DPH6: variants seen among roughly 807,000 people sequenced by gnomAD.
DPH6 encodes diphthamine biosynthesis 6, also known as diphthine--ammonia ligase.
DPH6 carries 33 observed loss-of-function variants against 38.2 expected under a neutral mutation model. That is an observed-to-expected ratio of 0.86 (90% CI 0.65 to 1.15). The LOEUF (loss-of-function observed/expected upper bound fraction) is 1.15, where lower values mean the gene tolerates loss of function less well. DPH6 is among the 50% of genes most tolerant of loss of function. The probability of loss-of-function intolerance (pLI) is 0.00; values close to 1 mark genes in which losing one functional copy is unlikely to be tolerated. For missense variants in DPH6, 325 were observed against 320.0 expected (o/e 1.02, Z -0.12); for synonymous variants, 108 against 103.0 (o/e 1.05, Z -0.30).
chr15:35,222,481 C>T (rs927714492), intron 3 of DPH6, among the ~76,000 whole-genome samples: 7 of 152,062 alleles, frequency 4.6e-5, no homozygotes, highest in African/African-American at 1.7e-4. Context: ...CATGAGACAT[C>T]AACCAATACA....
intron 3 of DPH6, among the ~76,000 whole-genome samples, chr15:35,365,336 A>G (rs1034060542): frequency 1.3e-5 from 2 of 152,096 alleles, no homozygotes; most frequent in Non-Finnish European, 2.9e-5. Context: ...ATATTTTTTA[A>G]CTGTTCAGTT....
chr15:35,298,443 C>T (rs972121174), intron 3 of DPH6: 13 of 753,856 alleles, frequency 1.7e-5, no homozygotes, highest in South Asian at 1.1e-4. Context: ...ACACTTTCCC[C>T]AACTTTGAGA....
chr15:35,331,255 A>G (rs2052325225), intron 3 of DPH6, among the ~76,000 whole-genome samples: 1 of 152,194 alleles, frequency 6.6e-6, no homozygotes, highest in African/African-American at 2.4e-5. Context: ...GGTTTTAATA[A>G]GTGAATTATG....
chr15:35,283,190 TCTC>T (rs1408657764), intron 3 of DPH6, among the ~76,000 whole-genome samples: 2 of 146,516 alleles, frequency 1.4e-5, no homozygotes, highest in African/African-American at 5.3e-5. Context: ...TTCTTTTTCT[TCTC>T]TTCTTCTTCT....
intron 6 of DPH6, among the ~76,000 whole-genome samples, chr15:35,387,069 G>T: frequency 6.6e-6 from 1 of 152,158 alleles, no homozygotes. Context: ...TAGCTAGCCA[G>T]TTTTCCCAGC....
chr15:35,438,372 A>ATGG (rs2053744469), intron 5 of DPH6, among the ~76,000 whole-genome samples: 2 of 152,134 alleles, frequency 1.3e-5, no homozygotes, highest in African/African-American at 4.8e-5. Context: ...ATGGCCTGTG[A>ATGG]TTACTTGGGA....
rs2141080202 is a variant in DPH6 at position 35,450,820 on chromosome 15, AAAAG to A, written c.387-21_387-18del. The A allele has an allele frequency of 1.3e-6, 2 of 1,575,198 alleles. No individual in the cohort carries two copies. Among genetic ancestry groups the A allele is most frequent in the Non-Finnish European group, 1.7e-6 (2 of 1,157,012 alleles). ...CTTTTACACCTACAAAAGAAAAAGA[AAAAG>A]AAAGTCAGATGATCTCTTAATGTTT... is the stretch of plus-strand genomic sequence containing the variant. On this transcript the variant is annotated intron_variant, in intron 4 of 8. Transcript: ENST00000256538.
chr15:35,174,434 T>C, the DPH6 span, among the ~76,000 whole-genome samples: 1 of 152,194 alleles, frequency 6.6e-6, no homozygotes, highest in African/African-American at 2.4e-5. Flanking sequence ...AATCTGCCCA[T>C]TTCTGACCAC....
rs375078980 is a variant in DPH6, at chr15:35,517,846, GTGGTATA to G, written c.312+20421_312+20427del. Among the ~76,000 whole-genome samples, 1,038 of 152,068 alleles carry G rather than the reference GTGGTATA, an allele frequency of 6.8e-3. 15 individuals carry two copies. The highest frequency in any genetic ancestry group is 0.024 in the African/African-American group (981 of 41,498). ...AGTGTCTGAATCTAAACCAATCATT[GTGGTATA>G]TAACAGCTTTTAATTATACTGAAGA... On this transcript the variant is annotated intron_variant, in intron 3 of 8. Coordinates refer to ENST00000256538, the MANE Select transcript of DPH6 (RefSeq NM_080650.4).
intron 5 of DPH6, among the ~76,000 whole-genome samples, chr15:35,444,825 G>T (rs2053830379): frequency 6.6e-6 from 1 of 151,990 alleles, no homozygotes; most frequent in African/African-American, 2.4e-5. Flanking sequence ...TTTTCATCAC[G>T]AGCTTTCAGG....
rs1474187688 is a variant in DPH6, at chr15:35,542,432, T to C, written c.99A>G (p.Leu33=). 3 of 1,571,754 alleles carry C rather than the reference T, an allele frequency of 1.9e-6. No individual in the cohort carries two copies. The highest frequency in any genetic ancestry group is 1.3e-5 in the African/African-American group (1 of 74,576). The change falls in exon 2 of 9, where the codon CTA becomes CTG. Residue 33 remains leucine, a synonymous_variant. Coordinates refer to ENST00000256538, the MANE Select transcript of DPH6 (RefSeq NM_080650.4). ...AGHQIVALAN[L]RPAENQVGSD... The stretch of plus-strand genomic sequence containing the variant: ...ACTTACCTTGGTTTTCAGCTGGTCT[T>C]AGATTTGCTAAAGCAACGATCTGAT...
chr15:35,401,788 C>T, intron 6 of DPH6: 1 of 627,340 alleles, frequency 1.6e-6, no homozygotes, highest in Admixed American at 2.0e-5. Context: ...GGAAACAAAG[C>T]TTAACAGGAG....
intron 2 of DPH6, among the ~76,000 whole-genome samples, chr15:35,541,894 A>G (rs2055258197): frequency 6.6e-6 from 1 of 152,118 alleles, no homozygotes; most frequent in South Asian, 2.1e-4. Context: ...ACAAATGAAA[A>G]GTGGGAATGC....
chr15:35,385,669 C>CCTA (rs1566889851), intron 6 of DPH6, among the ~76,000 whole-genome samples: 1 of 151,848 alleles, frequency 6.6e-6, no homozygotes, highest in Non-Finnish European at 1.5e-5. Context: ...ATGTAGATAA[C>CCTA]AGGTTGATGG....
intron 3 of DPH6, among the ~76,000 whole-genome samples, chr15:35,308,409 C>A (rs2052111423): frequency 6.6e-6 from 1 of 151,546 alleles, no homozygotes; most frequent in Non-Finnish European, 1.5e-5. Context: ...TTTTTATTTC[C>A]AACCAAAAAT....
At chr15:35,411,389 T>C (rs1161208172) in intron 5 of DPH6, among the ~76,000 whole-genome samples, 1 of 151,780 alleles carries the variant, frequency 6.6e-6, no homozygotes, top group African/African-American at 2.4e-5. Flanking sequence ...CAGTGGCATA[T>C]GGGCACAAAT....
chr15:35,442,116 A>G (rs2053796638), intron 5 of DPH6, among the ~76,000 whole-genome samples: 1 of 152,180 alleles, frequency 6.6e-6, no homozygotes, highest in Non-Finnish European at 1.5e-5. Flanking sequence ...AATGGGAGAA[A>G]ATATTTAAAA....
intron 5 of DPH6, among the ~76,000 whole-genome samples, chr15:35,418,988 T>A (rs1181384320): frequency 6.6e-6 from 1 of 151,946 alleles, no homozygotes; most frequent in Non-Finnish European, 1.5e-5. Context: ...CAATTTCTAG[T>A]CTGTCTATAA....
chr15:35,346,109 T>C (rs2052459576), intron 3 of DPH6, among the ~76,000 whole-genome samples: 1 of 152,008 alleles, frequency 6.6e-6, no homozygotes, highest in Admixed American at 6.6e-5. Context: ...TAGAATAACA[T>C]TAAAAGGACA....
Sources: gnomAD v4.1 joint callset for allele counts (sites outside exome capture counted in the v4.1 genomes callset) on GRCh38, gnomAD v4.1.1 for gene constraint, MANE v1.5 for transcripts, NCBI Gene and HGNC (gene_info 2026-07-23, HGNC 2026-07-21) for gene names.